SMNDC1: variants seen among roughly 807,000 people sequenced by gnomAD.
SMNDC1 encodes survival motor neuron domain containing 1.
A neutral mutation model predicts 29.2 loss-of-function variants in SMNDC1; 5 were observed. The observed-to-expected ratio is 0.17, with a 90% CI of 0.09 to 0.36. The LOEUF is 0.36. Among genes scored for constraint, SMNDC1 ranks in the 10% least tolerant of loss-of-function variants. The pLI is 1.00. For synonymous variants in SMNDC1, 80 were observed against 89.9 expected, an observed-to-expected ratio of 0.89 and a Z score of 0.62; for missense variants, 142 against 268.5, an observed-to-expected ratio of 0.53 and a Z score of 3.29.
At chr10:110,300,795 C>G in intron 2 of SMNDC1, 1 of 772,050 alleles carries the variant, frequency 1.3e-6, no homozygotes, top group Non-Finnish European at 1.6e-6. Context: ...GCTTATTCAG[C>G]AAAACAGCCT....
Position 110,297,612 on chromosome 10 carries a change from T to TC in SMNDC1, c.379dup (p.Glu127GlyfsTer25). ...ACTGTCCTCCTTTGCCTTCCTTCCT[T>TC]CTTCTACAGGCTTGAGGTTCAACAG... On this transcript the variant is annotated frameshift_variant, in exon 4 of 6. Transcript: ENST00000369603. LOFTEE classifies it high-confidence loss of function. The TC allele has an allele frequency of 6.2e-7, 1 of 1,614,012 alleles. No individual in the cohort carries two copies.
chr10:110,298,406 C>T (rs1161552154), intron 3 of SMNDC1, among the ~76,000 whole-genome samples: 1 of 152,080 alleles, frequency 6.6e-6, no homozygotes, highest in Non-Finnish European at 1.5e-5. Context: ...TTAGAAAACA[C>T]CCATTCATTG....
Position 110,303,525 on chromosome 10 carries a change from A to G in SMNDC1, c.63T>C (p.Ala21=). 2 of 1,582,766 alleles carry G rather than the reference A, an allele frequency of 1.3e-6. No homozygotes were observed. Among genetic ancestry groups the G allele is most frequent in the South Asian group, 2.3e-5 (2 of 85,470 alleles). The change falls in exon 2 of 6, where the codon GCT becomes GCC. Residue 21 remains alanine (A), a synonymous_variant. Coordinates refer to ENST00000369603, the MANE Select transcript of SMNDC1 (RefSeq NM_005871.4). ...CATTTTCTCCATTTCCAGATAATGC[A>G]GCTTCAACTTGCTGGAGCTGAGCTT... ...SYKAQLQQVE[A]ALSGNGENED...
rs1282687224 is a variant in SMNDC1, at chr10:110,295,325, G to A, written c.482C>T (p.Ala161Val). 1 of 1,606,492 alleles carries A rather than the reference G, an allele frequency of 6.2e-7. No homozygotes were observed. The highest frequency in any genetic ancestry group is 1.3e-5 in the African/African-American group (1 of 74,094). ...EYKKKKALKK[A>V]QRIKELEQER... The stretch of plus-strand genomic sequence containing the variant: ...CTGCTCAAGTTCTTTTATTCTCTGA[G>A]CTTTTTTCAAAGCTTTCTTCTTTTT... Residue 161 changes from alanine to valine, a missense_variant, in exon 5 of 6, where the codon GCT becomes GTT. Transcript: ENST00000369603.
intron 1 of SMNDC1, 54 bp from the exon 2 acceptor site, chr10:110,303,641 T>TA: frequency 6.5e-7 from 1 of 1,527,080 alleles, no homozygotes; most frequent in East Asian, 2.5e-5. Context: ...AATCAAGGCA[T>TA]AAAAAACTAA....
intron 1 of SMNDC1, 21 bp from the exon 2 acceptor site, chr10:110,303,608 T>C (rs1320170174): frequency 6.5e-7 from 1 of 1,549,966 alleles, no homozygotes; most frequent in Non-Finnish European, 8.6e-7. Context: ...TAAAAAGGGT[T>C]AGACCATGAA....
In SMNDC1 at chr10:110,297,554, CAA is replaced by C; in HGVS notation, c.425+11_425+12del. ...AAGATTGCACCTAAAATGGAAAAGT[CAA>C]AGTCACTTACTTTGACATGGGTTTG... On this transcript the variant is annotated intron_variant, in intron 4 of 5. Coordinates refer to ENST00000369603, the MANE Select transcript of SMNDC1 (RefSeq NM_005871.4). 5.0e-6 allele frequency: 8 copies of C among 1,610,846 alleles called. No individual in the cohort carries two copies. The South Asian group carries it at 5.5e-5, about 11-fold the overall frequency.
intron 2 of SMNDC1, among the ~76,000 whole-genome samples, chr10:110,303,013 C>G (rs1465403709): frequency 6.6e-6 from 1 of 151,650 alleles, no homozygotes; most frequent in Non-Finnish European, 1.5e-5. Context: ...AAATGTAATC[C>G]ACTAGCTTTG....
chr10:110,303,350 G>C (rs891765685), intron 2 of SMNDC1, 118 bp downstream of exon 2: 7 of 837,394 alleles, frequency 8.4e-6, no homozygotes, highest in Admixed American at 3.0e-5. Flanking sequence ...GGTACCTACA[G>C]AATTTACATA....
At chr10:110,302,431 G>T (rs1206876975) in intron 2 of SMNDC1, among the ~76,000 whole-genome samples, 1 of 152,156 alleles carries the variant, frequency 6.6e-6, no homozygotes, top group Admixed American at 6.5e-5. Context: ...TGTAGAACTT[G>T]AAAGTATTCA....
chr10:110,303,591 G>A lies in SMNDC1; in HGVS notation c.1-4C>T, dbSNP rs758436158. Reference sequence around the variant, plus strand: ...GCTTTGCTAAATCCTCTGACATCTAGGGAAAATAAAAAGGGTTAGACCATG... The same window carrying A: ...GCTTTGCTAAATCCTCTGACATCTAAGGAAAATAAAAAGGGTTAGACCATG... On this transcript the variant is annotated splice_polypyrimidine_tract_variant and splice_region_variant and intron_variant, in intron 1 of 5. Coordinates refer to ENST00000369603, the MANE Select transcript of SMNDC1 (RefSeq NM_005871.4). 1 of 1,577,518 alleles carries A rather than the reference G, an allele frequency of 6.3e-7. No homozygotes were observed. The highest frequency in any genetic ancestry group is 2.0e-5 in the Admixed American group (1 of 50,810).
intron 5 of SMNDC1, among the ~76,000 whole-genome samples, chr10:110,294,800 A>G (rs910990780): frequency 1.3e-5 from 2 of 152,220 alleles, no homozygotes; most frequent in African/African-American, 4.8e-5. Context: ...CTTATTCTCA[A>G]CTTCCTATAT....
At position 110,297,735 on chromosome 10, in the gene SMNDC1, A is replaced by C. The variant is rs1280428791; in HGVS notation, c.264-7T>G. Reference sequence around the variant, plus strand: ...AATCTCCGCTTCATAACACCTGTAAAGATATCATGGCTGTAAGCAGGTGAG... The same window carrying C: ...AATCTCCGCTTCATAACACCTGTAACGATATCATGGCTGTAAGCAGGTGAG... On this transcript the variant is annotated splice_region_variant and splice_polypyrimidine_tract_variant and intron_variant, in intron 3 of 5. Transcript: ENST00000369603. The C allele has an allele frequency of 1.9e-6, 3 of 1,612,902 alleles. No individual in the cohort carries two copies. Among genetic ancestry groups the C allele is most frequent in the Non-Finnish European group, 8.5e-7 (1 of 1,179,388 alleles).
chr10:110,295,138 T>C, intron 5 of SMNDC1, 90 bp downstream of exon 5: 2 of 1,251,074 alleles, frequency 1.6e-6, no homozygotes, highest in Non-Finnish European at 1.1e-6. Context: ...AATCATACTT[T>C]ACAAAAAATC....
In SMNDC1 at chr10:110,299,895, TATAA is replaced by T. The variant is rs967085768; in HGVS notation, c.121-1109_121-1106del. Among the ~76,000 whole-genome samples the T allele has an allele frequency of 3.3e-5, 5 of 152,344 alleles. No individual in the cohort carries two copies. In the South Asian group the frequency reaches 6.2e-4, roughly 19 times the overall value. ...AAATCTCTTGAAGAAAGGTTAGTTT[TATAA>T]ATAAATAAATAGAACACTTAGGTTT... On this transcript the variant is annotated intron_variant, in intron 2 of 5. Coordinates refer to ENST00000369603, the MANE Select transcript of SMNDC1 (RefSeq NM_005871.4).
In SMNDC1 at chr10:110,302,443, C is replaced by A. The variant is rs939528924; in HGVS notation, c.120+1025G>T. Reference sequence around the variant, plus strand: ...AAATGTAGAACTTGAAAGTATTCAACTCATCTTAATTACGCCCAGATAAGC... The same window carrying A: ...AAATGTAGAACTTGAAAGTATTCAAATCATCTTAATTACGCCCAGATAAGC... On this transcript the variant is annotated intron_variant, in intron 2 of 5. Coordinates refer to ENST00000369603, the MANE Select transcript of SMNDC1 (RefSeq NM_005871.4). Among the ~76,000 whole-genome samples, 5 of 152,296 alleles carry A rather than the reference C, an allele frequency of 3.3e-5. No homozygotes were observed. The South Asian group carries it at 6.2e-4, about 19-fold the overall frequency.
intron 5 of SMNDC1, among the ~76,000 whole-genome samples, chr10:110,294,895 G>C (rs1272145013): frequency 1.3e-5 from 2 of 152,194 alleles, no homozygotes; most frequent in Admixed American, 1.3e-4. Flanking sequence ...AAATCTACCA[G>C]TGATGCCCAG....
intron 2 of SMNDC1, among the ~76,000 whole-genome samples, chr10:110,301,014 A>G (rs1006868084): frequency 3.3e-5 from 5 of 152,266 alleles, no homozygotes; most frequent in African/African-American, 1.2e-4. Flanking sequence ...AAATGAAGTC[A>G]TTGAAAAGAT....
At chr10:110,296,567 TCTTA>T (rs1334999047) in intron 4 of SMNDC1, among the ~76,000 whole-genome samples, 2 of 152,174 alleles carry the variant, frequency 1.3e-5, no homozygotes, top group African/African-American at 4.8e-5. Flanking sequence ...TAATTCTGCC[TCTTA>T]CTTTTCAAAA....
Sources: allele counts gnomAD v4.1 joint callset (sites outside exome capture counted in the v4.1 genomes callset), GRCh38; gene constraint gnomAD v4.1.1; transcripts MANE v1.5; gene names NCBI Gene and HGNC (gene_info 2026-07-23, HGNC 2026-07-21).